Variants in PCDH15 observed in about 807,000 individuals in gnomAD.
PCDH15 encodes protocadherin-15.
A neutral mutation model predicts 178.5 loss-of-function variants in PCDH15; 129 were observed. The observed-to-expected ratio is 0.72, with a 90% confidence interval of 0.63 to 0.84. The LOEUF (loss-of-function observed/expected upper bound fraction) is 0.84. Among genes scored for constraint, PCDH15 ranks in the 40% least tolerant of loss-of-function variants. PCDH15 has a pLI of 0.00. For synonymous variants in PCDH15, 800 were observed against 732.0 expected, an observed-to-expected ratio of 1.09 and a Z score of -1.50; for missense variants, 2,230 against 2,099.9, an observed-to-expected ratio of 1.06 and a Z score of -1.21.
intron 2 of PCDH15, among the ~76,000 whole-genome samples, chr10:54,945,468 T>C (rs1838176007): frequency 6.6e-6 from 1 of 151,738 alleles, no homozygotes; most frequent in African/African-American, 2.4e-5. Context: ...TGCCTTTTTT[T>C]TTTGGTGTTT....
At chr10:54,714,961 G>A (rs965064408) in intron 1 of PCDH15, among the ~76,000 whole-genome samples, 2 of 152,056 alleles carry the variant, frequency 1.3e-5, no homozygotes, top group Non-Finnish European at 2.9e-5. Flanking sequence ...GGTAGAAAGT[G>A]TATTCTTAAA....
intron 18 of PCDH15, among the ~76,000 whole-genome samples, chr10:54,030,533 C>A (rs547057619): frequency 3.3e-5 from 5 of 151,742 alleles, no homozygotes; most frequent in East Asian, 1.9e-4. Context: ...GACTTACTGG[C>A]CAGAAGATAA....
chr10:55,507,902 A>C (rs1423625669), intron 2 of PCDH15, among the ~76,000 whole-genome samples: 1 of 151,692 alleles, frequency 6.6e-6, no homozygotes, highest in Non-Finnish European at 1.5e-5. Flanking sequence ...CTAATTAAAA[A>C]AACATGTAAT....
chr10:55,280,418 A>T (rs1440388074), intron 1 of PCDH15, among the ~76,000 whole-genome samples: 14 of 139,350 alleles, frequency 1.0e-4, no homozygotes, highest in African/African-American at 3.8e-4. Context: ...AGCTGGGATT[A>T]TAGGTATCTG....
At chr10:54,128,460 T>C (rs909980085) in intron 15 of PCDH15, among the ~76,000 whole-genome samples, 10 of 152,162 alleles carry the variant, frequency 6.6e-5, no homozygotes, top group Non-Finnish European at 1.5e-4. Context: ...CTCTCCCTTG[T>C]TTTAGTTGTA....
At chr10:54,093,731 T>C (rs886675424) in intron 15 of PCDH15, among the ~76,000 whole-genome samples, 1 of 152,186 alleles carries the variant, frequency 6.6e-6, no homozygotes, top group Non-Finnish European at 1.5e-5. Flanking sequence ...ACTTTACTGG[T>C]AAATAGAAAA....
chr10:54,940,823 T>C (rs1484588280), intron 2 of PCDH15, among the ~76,000 whole-genome samples: 1 of 152,060 alleles, frequency 6.6e-6, no homozygotes, highest in Non-Finnish European at 1.5e-5. Flanking sequence ...TTATAGTCTA[T>C]AGTTTATTAC....
intron 2 of PCDH15, among the ~76,000 whole-genome samples, chr10:54,999,391 G>T (rs988129418): frequency 6.6e-6 from 1 of 152,132 alleles, no homozygotes; most frequent in Admixed American, 6.5e-5. Context: ...TGTTTAAATG[G>T]TATTTATGTT....
intron 2 of PCDH15, among the ~76,000 whole-genome samples, chr10:55,158,591 C>A (rs771501786): frequency 1.4e-5 from 1 of 73,700 alleles, no homozygotes; most frequent in Non-Finnish European, 3.6e-5. Context: ...AACTGACAGG[C>A]TTTCAGAGGG....
chr10:55,057,988 CTTTTA>C (rs1022222639), intron 2 of PCDH15, among the ~76,000 whole-genome samples: 14 of 151,964 alleles, frequency 9.2e-5, no homozygotes, highest in Non-Finnish European at 1.6e-4. Context: ...TAACTTGGGC[CTTTTA>C]TTTTATTTAT....
At chr10:54,886,216 G>A (rs1417493103) in intron 3 of PCDH15, among the ~76,000 whole-genome samples, 1 of 148,770 alleles carries the variant, frequency 6.7e-6, no homozygotes, top group Admixed American at 6.6e-5. Context: ...TTAATAATAG[G>A]AAAATATTTA....
chr10:55,245,689 CA>C (rs1339234020), intron 1 of PCDH15, among the ~76,000 whole-genome samples: 1 of 152,070 alleles, frequency 6.6e-6, no homozygotes, highest in Non-Finnish European at 1.5e-5. Flanking sequence ...AAAATTTGCC[CA>C]AAATCCCAGA....
chr10:54,461,173 G>A (rs1439785984), intron 3 of PCDH15, among the ~76,000 whole-genome samples: 2 of 151,956 alleles, frequency 1.3e-5, no homozygotes, highest in East Asian at 3.9e-4. Flanking sequence ...TCTCTTAAGT[G>A]AATAATAAAG....
At chr10:54,105,591 T>C (rs2094904283) in intron 15 of PCDH15, among the ~76,000 whole-genome samples, 2 of 152,038 alleles carry the variant, frequency 1.3e-5, no homozygotes, top group Admixed American at 6.6e-5. Flanking sequence ...GCCTGCTTTA[T>C]TTTCTGATTA....
chr10:55,464,965 G>C (rs1839802018), intron 2 of PCDH15, among the ~76,000 whole-genome samples: 1 of 151,550 alleles, frequency 6.6e-6, no homozygotes, highest in Admixed American at 6.6e-5. Context: ...TGTAAGAAGA[G>C]GGAGACCTTG....
At chr10:54,559,865 A>AG (rs2087840636) in intron 2 of PCDH15, among the ~76,000 whole-genome samples, 2 of 119,130 alleles carry the variant, frequency 1.7e-5, no homozygotes, top group African/African-American at 2.8e-5. Flanking sequence ...AAAAAAAAAA[A>AG]AAAAAAAAAG....
intron 1 of PCDH15, among the ~76,000 whole-genome samples, chr10:54,675,016 A>T (rs1434252278): frequency 3.3e-5 from 5 of 152,108 alleles, no homozygotes; most frequent in African/African-American, 1.2e-4. Context: ...ACCTAATTTT[A>T]TAGTGTATCC....
intron 8 of PCDH15, among the ~76,000 whole-genome samples, chr10:54,304,395 T>C (rs1052243080): frequency 1.3e-5 from 2 of 152,114 alleles, no homozygotes; most frequent in Non-Finnish European, 2.9e-5. Flanking sequence ...TGGGAAGTTA[T>C]ATTGTTTCCT....
In PCDH15 at chr10:54,209,969, G is replaced by A. The variant is rs551990216; in HGVS notation, c.1098+3967C>T. Among the ~76,000 whole-genome samples the A allele has an allele frequency of 1.8e-4, 27 of 152,198 alleles. No individual in the cohort carries two copies. The South Asian group carries it at 4.3e-3, about 25-fold the overall frequency. ...ATCATTTCTCAAATGCTGTTTTCCT[G>A]TAACTCTCAAATTACTGAAGGATGA... is the stretch of plus-strand genomic sequence containing the variant. On this transcript the variant is annotated intron_variant, in intron 10 of 37. Transcript: ENST00000644397.
Sources: allele counts gnomAD v4.1 joint callset (sites outside exome capture counted in the v4.1 genomes callset), GRCh38; gene constraint gnomAD v4.1.1; transcripts MANE v1.5; gene names NCBI Gene and HGNC (gene_info 2026-07-23, HGNC 2026-07-21).